The following EDIL3 variants were observed in gnomAD, a reference collection of about 807,000 sequenced individuals.
EDIL3 encodes EGF-like repeat and discoidin I-like domain-containing protein 3.
In EDIL3, 37 loss-of-function variants were observed where a neutral mutation model predicts 67.4. That is an observed-to-expected ratio of 0.55 (90% confidence interval 0.42 to 0.72). The LOEUF (loss-of-function observed/expected upper bound fraction) is 0.72. Ranked by LOEUF, EDIL3 falls within the 30% of genes least tolerant of loss-of-function variation. EDIL3 has a pLI of 0.00. For missense variants in EDIL3, 527 were observed against 586.3 expected (o/e 0.90, Z 1.04); for synonymous variants, 195 against 196.3 (o/e 0.99, Z 0.05).
intron 1 of EDIL3, among the ~76,000 whole-genome samples, chr5:84,361,078 G>A (rs1350663146): frequency 6.6e-6 from 1 of 151,920 alleles, no homozygotes; most frequent in African/African-American, 2.4e-5. Context: ...TTATTCACCT[G>A]CCTAAGTTGA....
At chr5:84,280,104 A>T (rs1580052186) in intron 1 of EDIL3, among the ~76,000 whole-genome samples, 1 of 152,192 alleles carries the variant, frequency 6.6e-6, no homozygotes. Context: ...GGCAAAATGT[A>T]ATGTTTCTAC....
chr5:83,970,909 T>C (rs1368231362), intron 9 of EDIL3, among the ~76,000 whole-genome samples: 4 of 151,370 alleles, frequency 2.6e-5, no homozygotes, highest in Middle Eastern at 3.2e-3. Context: ...GGAGAAGACA[T>C]GCTCAAAAGG....
At chr5:84,382,328 G>T (rs898497245) in intron 1 of EDIL3, among the ~76,000 whole-genome samples, 67 of 152,298 alleles carry the variant, frequency 4.4e-4, no homozygotes, top group African/African-American at 1.6e-3. Context: ...CTCGGCGCGG[G>T]TATCTTCAGG....
chr5:83,973,068 T>G (rs1386708389), intron 9 of EDIL3, among the ~76,000 whole-genome samples: 1 of 152,060 alleles, frequency 6.6e-6, no homozygotes, highest in Non-Finnish European at 1.5e-5. Flanking sequence ...AGAATCACCC[T>G]TTTCTTACTG....
chr5:84,118,867 G>A (rs1256044097), intron 5 of EDIL3, among the ~76,000 whole-genome samples: 1 of 152,068 alleles, frequency 6.6e-6, no homozygotes, highest in Non-Finnish European at 1.5e-5. Flanking sequence ...AGAATGCCTT[G>A]GGGTACGAGC....
intron 4 of EDIL3, among the ~76,000 whole-genome samples, chr5:84,165,898 C>T (rs1237415927): frequency 6.6e-6 from 1 of 152,068 alleles, no homozygotes; most frequent in African/African-American, 2.4e-5. Context: ...TGCAACAGAA[C>T]CCTGCATTAA....
intron 9 of EDIL3, among the ~76,000 whole-genome samples, chr5:83,982,526 G>A (rs1474304768): frequency 6.6e-6 from 1 of 151,810 alleles, no homozygotes; most frequent in Non-Finnish European, 1.5e-5. Flanking sequence ...TCCTTTTTCT[G>A]AGATTTCTAA....
intron 9 of EDIL3, among the ~76,000 whole-genome samples, chr5:84,033,205 T>C (rs2112204838): frequency 6.6e-6 from 1 of 152,366 alleles, no homozygotes; most frequent in East Asian, 1.9e-4. Flanking sequence ...TACTTCCATG[T>C]TGCATGGCTC....
At chr5:84,037,948 C>T (rs990503903) in intron 9 of EDIL3, among the ~76,000 whole-genome samples, 1 of 149,958 alleles carries the variant, frequency 6.7e-6, no homozygotes, top group African/African-American at 2.5e-5. Context: ...TTAGAAACAG[C>T]AAAAGGTGCT....
chr5:84,092,620 TA>T (rs1747187128), intron 6 of EDIL3, among the ~76,000 whole-genome samples: 1 of 152,164 alleles, frequency 6.6e-6, no homozygotes, highest in African/African-American at 2.4e-5. Context: ...TCATAAGCTA[TA>T]AATATACTAG....
intron 10 of EDIL3, among the ~76,000 whole-genome samples, chr5:83,952,491 T>C (rs1561383559): frequency 6.6e-6 from 1 of 151,820 alleles, no homozygotes; most frequent in Non-Finnish European, 1.5e-5. Flanking sequence ...ACAGAAAAAG[T>C]AGAATTGGGA....
chr5:84,074,754 C>A lies in EDIL3; in HGVS notation c.652-8148G>T, dbSNP rs546626021. ...GAACACTTTTACACTGTTGGTGGGA[C>A]GGTAAACTAGTTCAACCATTGTGGA... On this transcript the variant is annotated intron_variant, in intron 6 of 10. Transcript: ENST00000296591. Among the ~76,000 whole-genome samples the A allele has an allele frequency of 1.1e-4, 17 of 152,102 alleles. No homozygotes were observed. In the South Asian group the frequency reaches 2.9e-3, roughly 26 times the overall value.
chr5:84,099,608 CT>C (rs199819795), intron 6 of EDIL3, among the ~76,000 whole-genome samples: 116,156 of 151,944 alleles, frequency 0.76, 44,667 homozygotes, highest in African/African-American at 0.83. Context: ...AACATAAGAC[CT>C]TAAAACCATA....
chr5:84,011,766 T>C (rs1192917562), intron 9 of EDIL3, among the ~76,000 whole-genome samples: 1 of 152,162 alleles, frequency 6.6e-6, no homozygotes, highest in Admixed American at 6.6e-5. Context: ...CCCCAAAACT[T>C]ATATTGTGTG....
chr5:84,062,853 T>C (rs1746569643), intron 8 of EDIL3, among the ~76,000 whole-genome samples: 1 of 152,090 alleles, frequency 6.6e-6, no homozygotes, highest in African/African-American at 2.4e-5. Context: ...TTTTACTTCT[T>C]ATCCATATGA....
intron 5 of EDIL3, among the ~76,000 whole-genome samples, chr5:84,120,152 A>T (rs948187824): frequency 2.6e-5 from 4 of 152,082 alleles, no homozygotes; most frequent in African/African-American, 9.6e-5. Context: ...AAATTCAGGA[A>T]TTGCACACCT....
intron 9 of EDIL3, among the ~76,000 whole-genome samples, chr5:84,057,663 T>C (rs2112232572): frequency 6.6e-6 from 1 of 152,320 alleles, no homozygotes; most frequent in African/African-American, 2.4e-5. Flanking sequence ...CAAGAAATTT[T>C]AAATGTATCT....
chr5:84,365,694 A>G (rs1747714634), intron 1 of EDIL3, among the ~76,000 whole-genome samples: 1 of 152,186 alleles, frequency 6.6e-6, no homozygotes, highest in African/African-American at 2.4e-5. Flanking sequence ...ACCTTTGCCA[A>G]TCAGTGAATT....
At chr5:83,998,575 C>T (rs532809432) in intron 9 of EDIL3, among the ~76,000 whole-genome samples, 37 of 152,240 alleles carry the variant, frequency 2.4e-4, no homozygotes, top group African/African-American at 7.2e-4. Flanking sequence ...GTGAAAAGCA[C>T]TTTGTCTTGC....
Sources: allele counts gnomAD v4.1 joint callset (sites outside exome capture counted in the v4.1 genomes callset), GRCh38; gene constraint gnomAD v4.1.1; transcripts MANE v1.5; gene names NCBI Gene and HGNC (gene_info 2026-07-23, HGNC 2026-07-21).